Variants in GNG12 observed in about 807,000 individuals in gnomAD.
The protein encoded by GNG12 is guanine nucleotide-binding protein G(I)/G(S)/G(O) subunit gamma-12.
For missense variants in GNG12, 69 were observed against 83.8 expected (o/e 0.82, Z 0.69); for synonymous variants, 28 against 29.7 (o/e 0.94, Z 0.19).
At chr1:67,748,688 G>A (rs1241892067) in intron 2 of GNG12, among the ~76,000 whole-genome samples, 2 of 152,186 alleles carry the variant, frequency 1.3e-5, no homozygotes, top group Non-Finnish European at 2.9e-5. Flanking sequence ...AAATGTCATG[G>A]TTTTGTGTTT....
intron 1 of GNG12, among the ~76,000 whole-genome samples, chr1:67,821,598 TA>T (rs1302442352): frequency 6.6e-6 from 1 of 152,208 alleles, no homozygotes; most frequent in Non-Finnish European, 1.5e-5. Flanking sequence ...TGTGGCCTTG[TA>T]AAACCCAGAT....
Position 67,787,707 on chromosome 1 carries a change from C to T in GNG12, c.-76-10200G>A, listed in dbSNP as rs560294902. On this transcript the variant is annotated intron_variant, in intron 1 of 3. Coordinates refer to ENST00000370982, the MANE Select transcript of GNG12 (RefSeq NM_018841.6). ...CACAGGAAAAACCAATAGCCAGCTA[C>T]CCAACCCAACAGAAAGGAAGAGTGA... 4.6e-5 allele frequency among the ~76,000 whole-genome samples: 7 copies of T among 152,284 alleles called. No homozygotes were observed. In the South Asian group the frequency reaches 1.5e-3, roughly 32 times the overall value.
chr1:67,770,968 A>G (rs1417827894), intron 2 of GNG12, among the ~76,000 whole-genome samples: 1 of 151,984 alleles, frequency 6.6e-6, no homozygotes, highest in Non-Finnish European at 1.5e-5. Flanking sequence ...ACCTGTGTGC[A>G]TGTGTGTGTG....
At chr1:67,726,047 A>T (rs1292513353) in intron 2 of GNG12, among the ~76,000 whole-genome samples, 1 of 152,212 alleles carries the variant, frequency 6.6e-6, no homozygotes, top group African/African-American at 2.4e-5. Context: ...CATGAAGTGG[A>T]ATGGAGTAGG....
intron 1 of GNG12, among the ~76,000 whole-genome samples, chr1:67,815,300 A>G (rs1363324697): frequency 6.6e-6 from 1 of 152,212 alleles, no homozygotes; most frequent in Non-Finnish European, 1.5e-5. Context: ...ATATAAAGCA[A>G]AATTAATGTT....
chr1:67,816,879 G>C (rs1646956420), intron 1 of GNG12, among the ~76,000 whole-genome samples: 1 of 151,956 alleles, frequency 6.6e-6, no homozygotes, highest in African/African-American at 2.4e-5. Context: ...CCTTGTGCAA[G>C]TAACAGAAGC....
At chr1:67,727,181 T>A (rs1646391749) in intron 2 of GNG12, among the ~76,000 whole-genome samples, 1 of 152,220 alleles carries the variant, frequency 6.6e-6, no homozygotes, top group Admixed American at 6.5e-5. Flanking sequence ...TTTTATTTAC[T>A]TACTTATTTA....
At chr1:67,736,353 C>G (rs1557600639) in intron 2 of GNG12, among the ~76,000 whole-genome samples, 2 of 152,148 alleles carry the variant, frequency 1.3e-5, no homozygotes, top group Admixed American at 6.5e-5. Context: ...TAGAAGGCTA[C>G]TGCTTCCTGA....
At chr1:67,807,275 A>G (rs1161565341) in intron 1 of GNG12, among the ~76,000 whole-genome samples, 1 of 152,066 alleles carries the variant, frequency 6.6e-6, no homozygotes, top group Non-Finnish European at 1.5e-5. Flanking sequence ...TATGGGATGA[A>G]GCAAAAGCAG....
At chr1:67,771,547 C>T (rs959543555) in intron 2 of GNG12, among the ~76,000 whole-genome samples, 2 of 152,208 alleles carry the variant, frequency 1.3e-5, no homozygotes, top group Admixed American at 6.5e-5. Context: ...TTCCTCCTCG[C>T]GAGTCCCTGA....
At chr1:67,790,610 CTT>C (rs34333997) in intron 1 of GNG12, among the ~76,000 whole-genome samples, 225 of 125,322 alleles carry the variant, frequency 1.8e-3, no homozygotes, top group Middle Eastern at 4.1e-3. Flanking sequence ...TAGTTTATTC[CTT>C]TTTTTTTTTT....
chr1:67,822,286 A>G (rs564665196), intron 1 of GNG12, among the ~76,000 whole-genome samples: 3 of 151,292 alleles, frequency 2.0e-5, no homozygotes, highest in African/African-American at 7.3e-5. Context: ...AAGATTGGAC[A>G]CCCCTGGGCT....
intron 1 of GNG12, among the ~76,000 whole-genome samples, chr1:67,822,101 T>G (rs1373908425): frequency 2.0e-5 from 3 of 152,188 alleles, no homozygotes; most frequent in South Asian, 4.1e-4. Flanking sequence ...TCATAATGTT[T>G]TAAGCAAGTT....
At chr1:67,788,756 C>G (rs1399980085) in intron 1 of GNG12, among the ~76,000 whole-genome samples, 1 of 152,168 alleles carries the variant, frequency 6.6e-6, no homozygotes, top group African/African-American at 2.4e-5. Context: ...CCATGCCTTA[C>G]TTATTGCAAT....
At chr1:67,750,121 GC>G (rs1243142515) in intron 2 of GNG12, among the ~76,000 whole-genome samples, 1 of 152,166 alleles carries the variant, frequency 6.6e-6, no homozygotes, top group Non-Finnish European at 1.5e-5. Flanking sequence ...GAGGAAAAAA[GC>G]CTGAACCTTT....
At chr1:67,815,762 CA>C (rs1398316701) in intron 1 of GNG12, among the ~76,000 whole-genome samples, 2 of 152,040 alleles carry the variant, frequency 1.3e-5, no homozygotes, top group African/African-American at 2.4e-5. Flanking sequence ...GATTTGTGCC[CA>C]AAGGCTTCTC....
At chr1:67,766,106 G>GCACACACACACACACACACACACACA (rs59348663) in intron 2 of GNG12, among the ~76,000 whole-genome samples, 43 of 139,926 alleles carry the variant, frequency 3.1e-4, no homozygotes, top group African/African-American at 1.1e-3. Context: ...AGGCACACAC[G>GCACACACACACACACACACACACACA]CACACACACA....
intron 1 of GNG12, among the ~76,000 whole-genome samples, chr1:67,822,579 T>A (rs771437589): frequency 2.0e-5 from 3 of 152,180 alleles, no homozygotes; most frequent in Non-Finnish European, 2.9e-5. Flanking sequence ...AAAGTCAGAA[T>A]GTACATATTC....
chr1:67,724,029 G>T (rs1260156155), intron 2 of GNG12, among the ~76,000 whole-genome samples: 1 of 152,210 alleles, frequency 6.6e-6, no homozygotes, highest in Non-Finnish European at 1.5e-5. Flanking sequence ...GGACCAGGCA[G>T]TGACTACAGA....
Sources: allele counts gnomAD v4.1 joint callset (sites outside exome capture counted in the v4.1 genomes callset), GRCh38; gene constraint gnomAD v4.1.1; transcripts MANE v1.5; gene names NCBI Gene and HGNC (gene_info 2026-07-23, HGNC 2026-07-21).